The following PPP3CA variants were observed in gnomAD, a reference collection of about 807,000 sequenced individuals.
PPP3CA encodes protein phosphatase 3 catalytic subunit alpha.
In PPP3CA, 14 loss-of-function variants were observed where a neutral mutation model predicts 66.5. The observed-to-expected ratio is 0.21, with a 90% CI of 0.14 to 0.33. The LOEUF is 0.33. PPP3CA is among the 10% of genes least tolerant of loss of function. The pLI is 1.00. For missense variants in PPP3CA, 317 were observed against 639.5 expected, an observed-to-expected ratio of 0.50 and a Z score of 5.44; for synonymous variants, 232 against 226.2, an observed-to-expected ratio of 1.03 and a Z score of -0.23.
At chr4:101,135,411 C>T (rs1378679332) in intron 2 of PPP3CA, among the ~76,000 whole-genome samples, 1 of 152,124 alleles carries the variant, frequency 6.6e-6, no homozygotes, top group Non-Finnish European at 1.5e-5. Flanking sequence ...ATTTTTAACA[C>T]ACACTGGCAA....
intron 1 of PPP3CA, among the ~76,000 whole-genome samples, chr4:101,223,395 T>C (rs1035979079): frequency 6.6e-6 from 1 of 151,786 alleles, no homozygotes; most frequent in East Asian, 1.9e-4. Context: ...CCCAGTGACT[T>C]AGTTTAGGTC....
intron 1 of PPP3CA, among the ~76,000 whole-genome samples, chr4:101,228,588 T>C (rs1021298202): frequency 1.3e-5 from 2 of 151,478 alleles, no homozygotes; most frequent in African/African-American, 4.8e-5. Flanking sequence ...TCTCCATGCA[T>C]ATTTAGGGAA....
chr4:101,282,126 G>A (rs1053323749), intron 1 of PPP3CA, among the ~76,000 whole-genome samples: 3 of 152,152 alleles, frequency 2.0e-5, no homozygotes, highest in Admixed American at 2.0e-4. Context: ...TATTCTATAT[G>A]AGCTTAGATA....
intron 1 of PPP3CA, among the ~76,000 whole-genome samples, chr4:101,278,136 A>AAAAAAAAAAT (rs1553937788): frequency 6.9e-6 from 1 of 145,838 alleles, no homozygotes; most frequent in African/African-American, 2.7e-5. Context: ...AAAAAAAAAA[A>AAAAAAAAAAT]AAATAAAAAA....
intron 1 of PPP3CA, among the ~76,000 whole-genome samples, chr4:101,255,087 T>C (rs1252862767): frequency 6.7e-6 from 1 of 150,082 alleles, no homozygotes; most frequent in Non-Finnish European, 1.5e-5. Flanking sequence ...GATGTAAAGT[T>C]ATACAGGACA....
intron 1 of PPP3CA, among the ~76,000 whole-genome samples, chr4:101,242,543 A>T (rs937523610): frequency 3.9e-5 from 6 of 152,170 alleles, no homozygotes; most frequent in Non-Finnish European, 8.8e-5. Context: ...AAATAAAAAA[A>T]AAGAGTAAAA....
intron 1 of PPP3CA, among the ~76,000 whole-genome samples, chr4:101,237,823 C>T (rs1450364810): frequency 3.3e-5 from 5 of 152,058 alleles, no homozygotes; most frequent in Non-Finnish European, 4.4e-5. Flanking sequence ...ATATCCTTCC[C>T]TTGACTTTTA....
At chr4:101,050,406 T>G (rs1727957825) in intron 10 of PPP3CA, among the ~76,000 whole-genome samples, 1 of 152,134 alleles carries the variant, frequency 6.6e-6, no homozygotes, top group Non-Finnish European at 1.5e-5. Flanking sequence ...AAAGAACTTG[T>G]GCCTAGAATA....
chr4:101,047,115 A>G (rs1727799840), intron 10 of PPP3CA, among the ~76,000 whole-genome samples: 2 of 152,160 alleles, frequency 1.3e-5, no homozygotes, highest in South Asian at 4.1e-4. Flanking sequence ...ACAAACCTTG[A>G]GCTCTTATAT....
In PPP3CA at chr4:101,106,453, G is replaced by GAAAGAAAGAAAGAAAGAAGAGAAA. The variant is rs775018059; in HGVS notation, c.384+2500_384+2501insTTTCTCTTCTTTCTTTCTTTCTTT. On this transcript the variant is annotated intron_variant, in intron 3 of 13. Transcript: ENST00000394854. Reference sequence around the variant, plus strand: ...AGAAAGAAAGAAAGAAAGAAAGAAAGAGAAAAGAAAAGAAAAGAAAAGAAA... The same window carrying GAAAGAAAGAAAGAAAGAAGAGAAA: ...AGAAAGAAAGAAAGAAAGAAAGAAAGAAAGAAAGAAAGAAAGAAGAGAAAAGAAAAGAAAAGAAAAGAAAAGAAA... 2.1e-3 allele frequency among the ~76,000 whole-genome samples: 76 copies of GAAAGAAAGAAAGAAAGAAGAGAAA among 35,514 alleles called. 8 individuals carry two copies. The highest frequency in any genetic ancestry group is 2.4e-3 in the Non-Finnish European group (45 of 19,012). 23.3% of individuals were successfully genotyped at this position (35,514 alleles called of 152,430 possible).
chr4:101,334,776 G>A (rs1292929028), intron 1 of PPP3CA, among the ~76,000 whole-genome samples: 2 of 151,976 alleles, frequency 1.3e-5, no homozygotes, highest in Admixed American at 6.6e-5. Context: ...GCTAGCAAAG[G>A]CACAGTCTCC....
chr4:101,155,225 T>C (rs1433312082), intron 2 of PPP3CA, among the ~76,000 whole-genome samples: 1 of 152,196 alleles, frequency 6.6e-6, no homozygotes, highest in Non-Finnish European at 1.5e-5. Flanking sequence ...TCTTTCCTTT[T>C]GACGTGTCCA....
At chr4:101,294,265 A>T (rs984541150) in intron 1 of PPP3CA, among the ~76,000 whole-genome samples, 3 of 152,214 alleles carry the variant, frequency 2.0e-5, no homozygotes, top group Non-Finnish European at 4.4e-5. Context: ...TGCCTTCATA[A>T]TCCAGTACTA....
At chr4:101,047,608 T>A (rs1727823670) in intron 10 of PPP3CA, among the ~76,000 whole-genome samples, 1 of 152,104 alleles carries the variant, frequency 6.6e-6, no homozygotes, top group African/African-American at 2.4e-5. Context: ...TCCAGTGCAT[T>A]ATAAACTTTA....
At chr4:101,249,053 G>A (rs903837816) in intron 1 of PPP3CA, among the ~76,000 whole-genome samples, 2 of 151,628 alleles carry the variant, frequency 1.3e-5, no homozygotes, top group African/African-American at 2.4e-5. Flanking sequence ...CCAGCTACTC[G>A]GGAGGCTGAG....
In PPP3CA at chr4:101,035,266, TAAAAC is replaced by T. The variant is rs536738710; in HGVS notation, c.1242-2907_1242-2903del. Reference sequence around the variant, plus strand: ...CCAGAGCGCAAGAGCGAGACCGTCTTAAAACAAAACAAAACAAAAAAACAAAACCC... The same window carrying T: ...CCAGAGCGCAAGAGCGAGACCGTCTTAAAACAAAACAAAAAAACAAAACCC... On this transcript the variant is annotated intron_variant, in intron 11 of 13. Coordinates refer to ENST00000394854, the MANE Select transcript of PPP3CA (RefSeq NM_000944.5). Among the ~76,000 whole-genome samples the T allele has an allele frequency of 2.6e-3, 393 of 151,510 alleles. 1 individual carries two copies. Among genetic ancestry groups the T allele is most frequent in the Middle Eastern group, 6.8e-3 (2 of 292 alleles).
intron 1 of PPP3CA, among the ~76,000 whole-genome samples, chr4:101,281,537 TA>T (rs998642572): frequency 1.9e-4 from 29 of 152,080 alleles, no homozygotes; most frequent in South Asian, 4.1e-4. Flanking sequence ...TTGATTTGTA[TA>T]AAAAGTTAAT....
At chr4:101,317,218 A>T (rs1228970720) in intron 1 of PPP3CA, among the ~76,000 whole-genome samples, 1 of 150,184 alleles carries the variant, frequency 6.7e-6, no homozygotes, top group Non-Finnish European at 1.5e-5. Flanking sequence ...CATCCCTTCA[A>T]CATGGTCTTG....
At chr4:101,073,896 G>GT (rs1729032081) in intron 8 of PPP3CA, among the ~76,000 whole-genome samples, 1 of 152,140 alleles carries the variant, frequency 6.6e-6, no homozygotes. Context: ...GTATGTTTAC[G>GT]TTTTTTATAC....
Sources: gnomAD v4.1 joint callset for allele counts (sites outside exome capture counted in the v4.1 genomes callset) on GRCh38, gnomAD v4.1.1 for gene constraint, MANE v1.5 for transcripts, NCBI Gene and HGNC (gene_info 2026-07-23, HGNC 2026-07-21) for gene names.